Variants in RGS7BP observed in about 807,000 individuals in gnomAD.
RGS7BP encodes regulator of G protein signaling 7-binding protein.
A neutral mutation model predicts 31.3 loss-of-function variants in RGS7BP; 9 were observed. The observed-to-expected ratio is 0.29, with a 90% CI of 0.17 to 0.50. The LOEUF (loss-of-function observed/expected upper bound fraction) is 0.50, where lower values mean the gene tolerates loss of function less well. Ranked by LOEUF, RGS7BP falls within the 20% of genes least tolerant of loss-of-function variation. The pLI is 0.98. For missense variants in RGS7BP, 274 were observed against 322.0 expected (o/e 0.85, Z 1.14); for synonymous variants, 115 against 120.1 (o/e 0.96, Z 0.28).
intron 2 of RGS7BP, among the ~76,000 whole-genome samples, chr5:64,532,852 T>C (rs1463002158): frequency 6.6e-6 from 1 of 151,948 alleles, no homozygotes; most frequent in Non-Finnish European, 1.5e-5. Context: ...CACTGCTGAG[T>C]CAGCCCATGC....
chr5:64,522,549 A>T (rs1252730679), intron 2 of RGS7BP, among the ~76,000 whole-genome samples: 1 of 152,202 alleles, frequency 6.6e-6, no homozygotes, highest in African/African-American at 2.4e-5. Context: ...AAATGGCTGC[A>T]TCTGTTTGAG....
chr5:64,566,677 A>G (rs1277611560), intron 2 of RGS7BP, among the ~76,000 whole-genome samples: 2 of 151,978 alleles, frequency 1.3e-5, no homozygotes, highest in African/African-American at 2.4e-5. Context: ...TGAAGTCTAC[A>G]TGCTCTCAGT....
chr5:64,527,676 TTAAA>T lies in RGS7BP; in HGVS notation c.332+19807_332+19810del, dbSNP rs1197506194. ...TTCTAAATATCCAACAGAGGATTAATTAAATAAATAACGCATACCCAGGTGCTAG... is the reference window on the plus strand; with the variant it reads ...TTCTAAATATCCAACAGAGGATTAATTAAATAACGCATACCCAGGTGCTAG... On this transcript the variant is annotated intron_variant, in intron 2 of 5. Transcript: ENST00000334025. 4.6e-5 allele frequency among the ~76,000 whole-genome samples: 6 copies of T among 130,536 alleles called. No individual in the cohort carries two copies. In the South Asian group the frequency reaches 1.2e-3, roughly 26 times the overall value. The allele number at this position is 130,536 out of a possible 152,430, so 85.6% of individuals were successfully genotyped here.
At chr5:64,519,705 T>G (rs1749062351) in intron 2 of RGS7BP, among the ~76,000 whole-genome samples, 1 of 152,182 alleles carries the variant, frequency 6.6e-6, no homozygotes. Context: ...GCTGTTCCCT[T>G]TGCACATATA....
intron 3 of RGS7BP, among the ~76,000 whole-genome samples, chr5:64,592,468 C>T (rs77362418): frequency 0.013 from 1,966 of 152,208 alleles, 39 homozygotes; most frequent in African/African-American, 0.045. Flanking sequence ...GTCTTGTAAG[C>T]AGCAGAATAA....
chr5:64,559,767 C>T (rs146544170), intron 2 of RGS7BP, among the ~76,000 whole-genome samples: 47 of 152,186 alleles, frequency 3.1e-4, no homozygotes, highest in African/African-American at 1.1e-3. Context: ...GAGCATCCTT[C>T]CAATAGTTAC....
chr5:64,517,727 G>C (rs1749012275), intron 2 of RGS7BP, among the ~76,000 whole-genome samples: 1 of 152,194 alleles, frequency 6.6e-6, no homozygotes, highest in African/African-American at 2.4e-5. Flanking sequence ...TGAACTCATG[G>C]AAAAGATATG....
At chr5:64,561,827 A>G (rs531207214) in intron 2 of RGS7BP, among the ~76,000 whole-genome samples, 6 of 149,048 alleles carry the variant, frequency 4.0e-5, no homozygotes, top group Admixed American at 2.6e-4. Flanking sequence ...GCTAATCACT[A>G]TCTCCTCCTG....
At chr5:64,592,778 G>A (rs765293719) in intron 3 of RGS7BP, among the ~76,000 whole-genome samples, 10 of 152,070 alleles carry the variant, frequency 6.6e-5, no homozygotes, top group African/African-American at 1.4e-4. Context: ...AAGGCATTTC[G>A]AACCCACAGG....
At chr5:64,562,207 C>T (rs1318491112) in intron 2 of RGS7BP, among the ~76,000 whole-genome samples, 1 of 151,794 alleles carries the variant, frequency 6.6e-6, no homozygotes, top group Non-Finnish European at 1.5e-5. Flanking sequence ...TTCTTTTTTT[C>T]CCCAATTTCA....
chr5:64,601,794 A>G (rs1023846014), intron 5 of RGS7BP, among the ~76,000 whole-genome samples: 5 of 152,234 alleles, frequency 3.3e-5, no homozygotes, highest in Non-Finnish European at 7.3e-5. Flanking sequence ...AAGGTTACGG[A>G]CAGAGGCTAA....
chr5:64,572,807 C>CTT (rs373867967), intron 2 of RGS7BP, among the ~76,000 whole-genome samples: 3 of 144,296 alleles, frequency 2.1e-5, no homozygotes, highest in Non-Finnish European at 3.1e-5. Flanking sequence ...CTTGCCTTTT[C>CTT]TTTTTTTTTT....
chr5:64,550,373 C>T lies in RGS7BP; in HGVS notation c.333-25401C>T, dbSNP rs62369454. ...TCACTTGGCAGAGTGAAAGAGAGAA[C>T]AAGCTTTCTGATGTCTCTTTTTCTA... On this transcript the variant is annotated intron_variant, in intron 2 of 5. Coordinates refer to ENST00000334025, the MANE Select transcript of RGS7BP (RefSeq NM_001029875.3). Among the ~76,000 whole-genome samples the T allele has an allele frequency of 1.3e-4, 20 of 152,096 alleles. 1 individual carries two copies. The highest frequency in any genetic ancestry group is 9.8e-4 in the Admixed American group (15 of 15,276).
At chr5:64,595,361 G>A (rs1452355692) in intron 4 of RGS7BP, among the ~76,000 whole-genome samples, 1 of 152,096 alleles carries the variant, frequency 6.6e-6, no homozygotes, top group Non-Finnish European at 1.5e-5. Context: ...AGTTCACAAA[G>A]GGCTTCTCCC....
chr5:64,537,281 A>C (rs1053063778), intron 2 of RGS7BP, among the ~76,000 whole-genome samples: 1 of 152,166 alleles, frequency 6.6e-6, no homozygotes. Context: ...AAAATCGCAA[A>C]AATAAATCTC....
Position 64,538,546 on chromosome 5 carries a change from C to CTTT in RGS7BP, c.332+30695_332+30697dup, listed in dbSNP as rs1191560944. ...TTCTTTTCTTTTTTTTTTTCCTTTTCTTTTTTTTTTTTTTTTTTTTTTTTT... is the reference window on the plus strand; with the variant it reads ...TTCTTTTCTTTTTTTTTTTCCTTTTCTTTTTTTTTTTTTTTTTTTTTTTTTTTT... On this transcript the variant is annotated intron_variant, in intron 2 of 5. Transcript: ENST00000334025. 8.6e-3 allele frequency among the ~76,000 whole-genome samples: 343 copies of CTTT among 40,054 alleles called. 61 individuals carry two copies. The highest frequency in any genetic ancestry group is 0.025 in the East Asian group (23 of 916). The allele number at this position is 40,054 out of a possible 152,430, so 26.3% of individuals were successfully genotyped here.
In RGS7BP at chr5:64,612,139, T is replaced by C. The variant is rs1197381108; in HGVS notation, c.*2887T>C. The C allele has an allele frequency of 6.6e-6, 1 of 150,960 alleles. No individual in the cohort carries two copies. Among genetic ancestry groups the C allele is most frequent in the African/African-American group, 2.4e-5 (1 of 41,032 alleles). 9.4% of individuals were successfully genotyped at this position (150,960 alleles called of 1,614,324 possible). ...TGTTCTTTGTGGGAAATCTGAAAAA[T>C]ACTACCAAATAGAAAATAAAAATCA... On this transcript the variant is annotated 3_prime_UTR_variant, in exon 6 of 6. Coordinates refer to ENST00000334025, the MANE Select transcript of RGS7BP (RefSeq NM_001029875.3).
At chr5:64,507,917 T>C (rs1748739307) in intron 2 of RGS7BP, 40 bp downstream of exon 2, 1 of 1,522,310 alleles carries the variant, frequency 6.6e-7, no homozygotes, top group South Asian at 1.2e-5. Flanking sequence ...ATATACATGA[T>C]GCATGGATGC....
Position 64,594,790 on chromosome 5 carries a change from T to A in RGS7BP, c.544T>A (p.Ser182Thr). 6.2e-7 allele frequency: 1 copy of A among 1,613,742 alleles called. No individual in the cohort carries two copies. Among genetic ancestry groups the A allele is most frequent in the East Asian group, 2.2e-5 (1 of 44,846 alleles). Residue 182 changes from serine (S) to threonine (T), a missense_variant, in exon 4 of 6, where the codon TCA becomes ACA. By Grantham distance (58) the Ser-to-Thr change is moderately conservative. Coordinates refer to ENST00000334025, the MANE Select transcript of RGS7BP (RefSeq NM_001029875.3). Reference protein sequence around the residue: ...SAETPALEDSSSSPVDSQQHS... With the variant: ...SAETPALEDSTSSPVDSQQHS... ...TGAAACACCTGCCCTAGAAGACTCC[T>A]CATCATCCCCCGTAGATAGTCAGCA...
Sources: allele counts gnomAD v4.1 joint callset (sites outside exome capture counted in the v4.1 genomes callset), GRCh38; gene constraint gnomAD v4.1.1; transcripts MANE v1.5; gene names NCBI Gene and HGNC (gene_info 2026-07-23, HGNC 2026-07-21).